The following TBC1D14 variants were observed in gnomAD, a reference collection of about 807,000 sequenced individuals.
TBC1D14 encodes the protein TBC1 domain family member 14, also known as TBC1 domain family, member 14.
TBC1D14 carries 26 observed loss-of-function variants against 79.0 expected under a neutral mutation model. The ratio of observed to expected loss-of-function variants is 0.33; its 90% CI spans 0.24 to 0.46. The LOEUF (loss-of-function observed/expected upper bound fraction) is 0.46. Among genes scored for constraint, TBC1D14 ranks in the 20% least tolerant of loss-of-function variants. TBC1D14 has a pLI of 1.00. For synonymous variants in TBC1D14, 394 were observed against 349.9 expected (o/e 1.13, Z -1.40); for missense variants, 769 against 887.6 (o/e 0.87, Z 1.70).
intron 3 of TBC1D14, among the ~76,000 whole-genome samples, chr4:6,983,886 T>C (rs185877428): frequency 6.6e-6 from 1 of 152,354 alleles, no homozygotes; most frequent in East Asian, 1.9e-4. Context: ...TCCTAAGTTT[T>C]GCTTATTTTT....
intron 3 of TBC1D14, among the ~76,000 whole-genome samples, chr4:6,979,673 CACTTCAAAT>C (rs1206850278): frequency 1.3e-5 from 2 of 151,986 alleles, no homozygotes; most frequent in Non-Finnish European, 2.9e-5. Context: ...GCAAGAAACT[CACTTCAAAT>C]ATAGAATATG....
intron 9 of TBC1D14, chr4:7,007,421 C>CT: frequency 1.6e-6 from 1 of 606,098 alleles, no homozygotes; most frequent in East Asian, 7.0e-5. Flanking sequence ...ATCTGGGGAT[C>CT]TTTTGATCCC....
rs559155568 is a variant in TBC1D14 at position 6,928,992 on chromosome 4, T to C, written c.722+4881T>C. Reference sequence around the variant, plus strand: ...AGCTCTAGTGACCTGAGATGGAACATTGTAACTATGCCTTTTCTGTGCAAA... The same window carrying C: ...AGCTCTAGTGACCTGAGATGGAACACTGTAACTATGCCTTTTCTGTGCAAA... On this transcript the variant is annotated intron_variant, in intron 2 of 13. Transcript: ENST00000409757. Among the ~76,000 whole-genome samples, 3 of 152,338 alleles carry C rather than the reference T, an allele frequency of 2.0e-5. No individual in the cohort carries two copies. In the East Asian group the frequency reaches 5.8e-4, roughly 29 times the overall value.
At chr4:6,978,936 C>T (rs149957788) in intron 3 of TBC1D14, among the ~76,000 whole-genome samples, 196 of 152,048 alleles carry the variant, frequency 1.3e-3, no homozygotes, top group African/African-American at 4.2e-3. Flanking sequence ...TAATGTCTGG[C>T]GTTTGCAGTG....
intron 5 of TBC1D14, 39 bp from the exon 6 acceptor site, chr4:6,999,046 A>C (rs746649022): frequency 6.3e-7 from 1 of 1,593,510 alleles, no homozygotes; most frequent in Admixed American, 1.7e-5. Flanking sequence ...GGTCCATATC[A>C]GTTAGTAGAT....
intron 2 of TBC1D14, among the ~76,000 whole-genome samples, chr4:6,956,137 G>A (rs1033507354): frequency 3.9e-5 from 6 of 152,104 alleles, no homozygotes; most frequent in Non-Finnish European, 5.9e-5. Flanking sequence ...ATAGCCCCCC[G>A]ACTTGTACTT....
chr4:6,914,866 C>A (rs934404098), intron 1 of TBC1D14, among the ~76,000 whole-genome samples: 3 of 152,196 alleles, frequency 2.0e-5, no homozygotes, highest in African/African-American at 7.2e-5. Context: ...GGGTGAAACC[C>A]TGTCTCTACT....
At chr4:6,987,416 C>G in intron 3 of TBC1D14, 1 of 1,294,900 alleles carries the variant, frequency 7.7e-7, no homozygotes, top group Non-Finnish European at 9.9e-7. Context: ...TGGGCCTGTC[C>G]TGTCCTGGGC....
intron 2 of TBC1D14, among the ~76,000 whole-genome samples, chr4:6,956,600 CAGATGAA>C (rs1478904985): frequency 6.6e-6 from 1 of 152,178 alleles, no homozygotes; most frequent in African/African-American, 2.4e-5. Context: ...TCTCTAATTG[CAGATGAA>C]AGGAGGCCCA....
At chr4:6,991,198 C>G (rs994547622) in intron 3 of TBC1D14, among the ~76,000 whole-genome samples, 9 of 152,218 alleles carry the variant, frequency 5.9e-5, no homozygotes, top group African/African-American at 2.2e-4. Context: ...GCATTTGACC[C>G]TGCGTCTCTG....
intron 2 of TBC1D14, among the ~76,000 whole-genome samples, chr4:6,963,226 T>C (rs1715397213): frequency 6.6e-6 from 1 of 152,230 alleles, no homozygotes; most frequent in African/African-American, 2.4e-5. Flanking sequence ...AAGAGGAAGC[T>C]TGGAGCCAGC....
intron 7 of TBC1D14, among the ~76,000 whole-genome samples, chr4:7,004,543 G>C (rs1017278125): frequency 6.6e-6 from 1 of 152,192 alleles, no homozygotes; most frequent in Admixed American, 6.5e-5. Flanking sequence ...GGGATCTTGC[G>C]GTCTGGGAGA....
chr4:7,026,551 G>A (rs186274647), intron 13 of TBC1D14, among the ~76,000 whole-genome samples: 6 of 152,202 alleles, frequency 3.9e-5, no homozygotes, highest in East Asian at 1.9e-4. Context: ...TCTATGCCAC[G>A]CCACTTCTCA....
intron 2 of TBC1D14, among the ~76,000 whole-genome samples, chr4:6,947,695 G>GA (rs1206566361): frequency 6.6e-6 from 1 of 151,216 alleles, no homozygotes; most frequent in African/African-American, 2.4e-5. Flanking sequence ...GCTGATGTTA[G>GA]AGAGTGGATC....
At chr4:6,981,543 AC>A (rs1292739832) in intron 3 of TBC1D14, among the ~76,000 whole-genome samples, 1 of 152,232 alleles carries the variant, frequency 6.6e-6, no homozygotes, top group Non-Finnish European at 1.5e-5. Context: ...GGCCAATCTT[AC>A]CCTGCTATCA....
At chr4:6,910,483 C>G (rs1306354180) in intron 1 of TBC1D14, 1 of 152,434 alleles carries the variant, frequency 6.6e-6, no homozygotes, top group Non-Finnish European at 1.5e-5. Flanking sequence ...TCCACCCACG[C>G]GAACCGTCTG....
At chr4:6,945,673 C>T (rs1324247003) in intron 2 of TBC1D14, among the ~76,000 whole-genome samples, 5 of 143,380 alleles carry the variant, frequency 3.5e-5, no homozygotes, top group East Asian at 2.2e-4. Flanking sequence ...CGCTTGAACC[C>T]GGGAGGCGGA....
intron 2 of TBC1D14, among the ~76,000 whole-genome samples, chr4:6,933,992 C>G (rs1712049086): frequency 6.6e-6 from 1 of 152,020 alleles, no homozygotes; most frequent in African/African-American, 2.4e-5. Context: ...TCGGCCTCAG[C>G]CAGTGGAAAA....
intron 2 of TBC1D14, among the ~76,000 whole-genome samples, chr4:6,961,990 C>T (rs1303693722): frequency 1.3e-5 from 2 of 152,216 alleles, no homozygotes; most frequent in African/African-American, 2.4e-5. Flanking sequence ...GCTCTGGCCT[C>T]CTGACTGCAG....
Sources: gnomAD v4.1 joint callset for allele counts (sites outside exome capture counted in the v4.1 genomes callset) on GRCh38, gnomAD v4.1.1 for gene constraint, MANE v1.5 for transcripts, NCBI Gene and HGNC (gene_info 2026-07-23, HGNC 2026-07-21) for gene names.